Variants in PRR5L observed in about 807,000 individuals in gnomAD.
PRR5L encodes the protein proline-rich protein 5-like.
Under a neutral mutation model 36.4 loss-of-function variants are expected in PRR5L, and 21 were observed. The ratio of observed to expected loss-of-function variants is 0.58; its 90% confidence interval spans 0.41 to 0.83. The LOEUF (loss-of-function observed/expected upper bound fraction) is 0.83, where lower values mean the gene tolerates loss of function less well. Among genes scored for constraint, PRR5L ranks in the 40% least tolerant of loss-of-function variants. The probability of loss-of-function intolerance (pLI) is 0.00; values close to 1 mark genes in which losing one functional copy is unlikely to be tolerated. For missense variants in PRR5L, 381 were observed against 473.3 expected (o/e 0.80, Z 1.81); for synonymous variants, 188 against 197.0 (o/e 0.95, Z 0.38).
chr11:36,366,709 T>C (rs1188099113), intron 1 of PRR5L, among the ~76,000 whole-genome samples: 1 of 152,196 alleles, frequency 6.6e-6, no homozygotes, highest in Non-Finnish European at 1.5e-5. Flanking sequence ...ATGTACCTTG[T>C]ATTATGGTGC....
chr11:36,441,135 G>A lies in PRR5L; in HGVS notation c.444+3659G>A, dbSNP rs146970415. 3.0e-4 allele frequency among the ~76,000 whole-genome samples: 45 copies of A among 152,170 alleles called. 1 individual carries two copies. In the East Asian group the frequency reaches 7.3e-3, roughly 25 times the overall value. On this transcript the variant is annotated intron_variant, in intron 6 of 8. Transcript: ENST00000530639. ...CCAAATCTCATGTCCTTCTCACATC[G>A]CAAAATACAATCATTCCTGCCCAAT... is the stretch of plus-strand genomic sequence containing the variant.
intron 1 of PRR5L, among the ~76,000 whole-genome samples, chr11:36,338,898 G>C (rs756100850): frequency 1.3e-5 from 2 of 152,102 alleles, no homozygotes; most frequent in African/African-American, 2.4e-5. Context: ...GGGACCTAAT[G>C]GGAGGTAACT....
chr11:36,393,766 T>G (rs999325483), intron 1 of PRR5L: 2 of 152,218 alleles, frequency 1.3e-5, no homozygotes, highest in Non-Finnish European at 2.9e-5. Context: ...CTGCTTTAGA[T>G]AGTATGGACA....
chr11:36,464,889 T>C lies in PRR5L; in HGVS notation c.*2153T>C, dbSNP rs1238802739. ...TAGACCCAGTGTACTTAAGTGCTGA[T>C]GACTGTTAGCCAGTTTACAACTTTT... On this transcript the variant is annotated 3_prime_UTR_variant, in exon 9 of 9. Transcript: ENST00000530639. 6.6e-6 allele frequency: 1 copy of C among 152,230 alleles called. No homozygotes were observed. Among genetic ancestry groups the C allele is most frequent in the African/African-American group, 2.4e-5 (1 of 41,456 alleles). The allele number at this position is 152,230 out of a possible 1,614,324, so 9.4% of individuals were successfully genotyped here.
At chr11:36,374,340 G>A (rs6484838) in intron 1 of PRR5L, among the ~76,000 whole-genome samples, 146,368 of 151,994 alleles carry the variant, frequency 0.96, 70,741 homozygotes, top group East Asian at 1. Context: ...TGATCTATCC[G>A]CCTCAGCCTC....
chr11:36,453,449 A>G (rs1858984659), intron 8 of PRR5L, among the ~76,000 whole-genome samples: 1 of 152,244 alleles, frequency 6.6e-6, no homozygotes, highest in South Asian at 2.1e-4. Context: ...TTGCCAAATT[A>G]TAAAGCAAAG....
At chr11:36,389,307 C>T (rs1367876917) in intron 1 of PRR5L, among the ~76,000 whole-genome samples, 1 of 152,200 alleles carries the variant, frequency 6.6e-6, no homozygotes, top group Non-Finnish European at 1.5e-5. Context: ...CCCTCAACCC[C>T]ACCACCCATC....
chr11:36,358,102 C>T (rs908469346), intron 1 of PRR5L, among the ~76,000 whole-genome samples: 1 of 152,164 alleles, frequency 6.6e-6, no homozygotes, highest in Non-Finnish European at 1.5e-5. Context: ...GATAGAACCT[C>T]CTCCTGATGA....
At chr11:36,324,612 T>C (rs530135953) in intron 1 of PRR5L, among the ~76,000 whole-genome samples, 56 of 152,294 alleles carry the variant, frequency 3.7e-4, no homozygotes, top group African/African-American at 1.3e-3. Flanking sequence ...ATTCAAAAAA[T>C]AGTCATTGCC....
Position 36,388,550 on chromosome 11 carries a change from GTTGCTGGT to G in PRR5L, c.-125-12442_-125-12435del, listed in dbSNP as rs1857497200. Among the ~76,000 whole-genome samples, 3 of 152,186 alleles carry G rather than the reference GTTGCTGGT, an allele frequency of 2.0e-5. No homozygotes were observed. The South Asian group carries it at 6.2e-4, about 31-fold the overall frequency. ...GCCCTAGGGGAAACCAGTGTTATCT[GTTGCTGGT>G]TTGCCCTTCCAGAGACATTTTACGC... On this transcript the variant is annotated intron_variant, in intron 1 of 8. Transcript: ENST00000530639.
chr11:36,376,603 C>G, intron 1 of PRR5L: 1 of 990,374 alleles, frequency 1.0e-6, no homozygotes, highest in Non-Finnish European at 1.2e-6. Context: ...AAAACTTCCT[C>G]GGGAAGACCG....
chr11:36,330,633 G>T (rs1167609252), intron 1 of PRR5L, among the ~76,000 whole-genome samples: 1 of 152,108 alleles, frequency 6.6e-6, no homozygotes, highest in East Asian at 1.9e-4. Context: ...GATGACAAAA[G>T]ACTTAAAATG....
chr11:36,387,998 G>A (rs141417945), intron 1 of PRR5L: 3 of 152,328 alleles, frequency 2.0e-5, no homozygotes, highest in South Asian at 2.1e-4. Flanking sequence ...ACACCAGATC[G>A]GATTGAGTAA....
chr11:36,434,293 C>T (rs891413701), intron 5 of PRR5L, among the ~76,000 whole-genome samples: 1 of 152,216 alleles, frequency 6.6e-6, no homozygotes, highest in East Asian at 1.9e-4. Flanking sequence ...CTGCCATCTT[C>T]AACCAGGCAT....
At chr11:36,429,310 A>G (rs1858445370) in intron 4 of PRR5L, among the ~76,000 whole-genome samples, 1 of 152,212 alleles carries the variant, frequency 6.6e-6, no homozygotes, top group Admixed American at 6.5e-5. Context: ...CAGTATATAT[A>G]TTCAGTAAAT....
intron 4 of PRR5L, among the ~76,000 whole-genome samples, chr11:36,424,777 G>T (rs1858345366): frequency 6.6e-6 from 1 of 151,998 alleles, no homozygotes; most frequent in Non-Finnish European, 1.5e-5. Context: ...TGTTAGAGAA[G>T]CAAAGTTTAA....
intron 8 of PRR5L, among the ~76,000 whole-genome samples, chr11:36,461,621 CA>C (rs5791109): frequency 0.98 from 147,502 of 150,836 alleles, 72,193 homozygotes; most frequent in Non-Finnish European, 1. Context: ...AAAACTGTCT[CA>C]AAAAAAAAAC....
intron 8 of PRR5L, among the ~76,000 whole-genome samples, chr11:36,456,814 T>G (rs1859067666): frequency 6.6e-6 from 1 of 152,266 alleles, no homozygotes; most frequent in Non-Finnish European, 1.5e-5. Context: ...CATACATGCA[T>G]GGAGGTACAC....
At chr11:36,332,892 AC>A (rs1172140539) in intron 1 of PRR5L, among the ~76,000 whole-genome samples, 10 of 152,072 alleles carry the variant, frequency 6.6e-5, no homozygotes, top group Non-Finnish European at 1.3e-4. Context: ...AGAACCATGA[AC>A]CAAATAAACC....
Sources: allele counts gnomAD v4.1 joint callset (sites outside exome capture counted in the v4.1 genomes callset), GRCh38; gene constraint gnomAD v4.1.1; transcripts MANE v1.5; gene names NCBI Gene and HGNC (gene_info 2026-07-23, HGNC 2026-07-21).